The following RPSA2 variants were observed in gnomAD, a reference collection of about 807,000 sequenced individuals.
RPSA2 encodes ribosomal protein SA 2, also known as small ribosomal subunit protein uS2B.
chr19:23,813,750 TCTCA>T, the RPSA2 span, among the ~76,000 whole-genome samples: 1 of 84,452 alleles, frequency 1.2e-5, no homozygotes, highest in African/African-American at 4.4e-5. Flanking sequence ...TGAGACAGAG[TCTCA>T]CTCTGTTGCC....
At chr19:23,870,500 C>T in the RPSA2 span, among the ~76,000 whole-genome samples, 14 of 145,362 alleles carry the variant, frequency 9.6e-5, no homozygotes, top group South Asian at 3.3e-3. Context: ...TCACATCCAA[C>T]ATCACCTTTG....
At chr19:23,835,002 T>A in the RPSA2 span, among the ~76,000 whole-genome samples, 1 of 152,156 alleles carries the variant, frequency 6.6e-6, no homozygotes, top group Non-Finnish European at 1.5e-5. Flanking sequence ...CAAAATATGA[T>A]AATCACATTA....
At chr19:23,803,474 T>C in the RPSA2 span, among the ~76,000 whole-genome samples, 40,244 of 152,106 alleles carry the variant, frequency 0.26, 5,672 homozygotes, top group East Asian at 0.52. Context: ...GCAGATATAG[T>C]TGTTGATTCA....
At chr19:23,761,993 C>A in the RPSA2 span, among the ~76,000 whole-genome samples, 1 of 146,496 alleles carries the variant, frequency 6.8e-6, no homozygotes, top group Non-Finnish European at 1.5e-5. Flanking sequence ...TTTGGGCTCA[C>A]TGCAACCTCT....
chr19:23,809,508 T>A, the RPSA2 span: 1 of 152,118 alleles, frequency 6.6e-6, no homozygotes, highest in Admixed American at 6.6e-5. Flanking sequence ...AAAATATTTT[T>A]AAATTTATTT....
At chr19:23,843,664 G>A in the RPSA2 span, among the ~76,000 whole-genome samples, 2 of 152,190 alleles carry the variant, frequency 1.3e-5, no homozygotes, top group Non-Finnish European at 2.9e-5. Context: ...ATGTGTGAGA[G>A]CAGTGGTGAT....
chr19:23,824,424 G>C, the RPSA2 span, among the ~76,000 whole-genome samples: 2 of 152,090 alleles, frequency 1.3e-5, no homozygotes, highest in African/African-American at 4.8e-5. Flanking sequence ...TAAAGAGACA[G>C]GGAAGCTGGG....
chr19:23,781,340 T>C, the RPSA2 span, among the ~76,000 whole-genome samples: 2 of 151,692 alleles, frequency 1.3e-5, no homozygotes, highest in African/African-American at 4.8e-5. Flanking sequence ...AGGAGAATAA[T>C]TTATTTATTT....
the RPSA2 span, among the ~76,000 whole-genome samples, chr19:23,865,371 C>T: frequency 6.6e-6 from 1 of 152,190 alleles, no homozygotes; most frequent in African/African-American, 2.4e-5. Flanking sequence ...ATTGTTTCCA[C>T]AGGCAGGCCC....
chr19:23,865,184 G>A, the RPSA2 span, among the ~76,000 whole-genome samples: 14 of 152,304 alleles, frequency 9.2e-5, no homozygotes, highest in Middle Eastern at 3.4e-3. Flanking sequence ...TAAGGTCAGT[G>A]CTCTAAAAAA....
chr19:23,778,097 G>A, the RPSA2 span, among the ~76,000 whole-genome samples: 5 of 152,154 alleles, frequency 3.3e-5, no homozygotes, highest in South Asian at 2.1e-4. Context: ...AAGACATTGT[G>A]ACATATTGCA....
At chr19:23,792,014 G>A in the RPSA2 span, among the ~76,000 whole-genome samples, 9 of 152,114 alleles carry the variant, frequency 5.9e-5, no homozygotes, top group South Asian at 2.1e-4. Context: ...GAGCCACTGC[G>A]CCCTGCCGAC....
At chr19:23,857,331 A>G in the RPSA2 span, among the ~76,000 whole-genome samples, 1 of 152,146 alleles carries the variant, frequency 6.6e-6, no homozygotes, top group Non-Finnish European at 1.5e-5. Context: ...AGAAATTATA[A>G]GAGTATTATT....
chr19:23,760,622 T>C, the RPSA2 span, among the ~76,000 whole-genome samples: 1 of 150,526 alleles, frequency 6.6e-6, no homozygotes, highest in East Asian at 2.0e-4. Flanking sequence ...TCTTTCACTT[T>C]TCTTCTGTGC....
the RPSA2 span, among the ~76,000 whole-genome samples, chr19:23,766,673 CT>C: frequency 2.6e-5 from 4 of 151,604 alleles, no homozygotes; most frequent in Admixed American, 1.3e-4. Context: ...CCAGGATGGT[CT>C]TGATCTCCTG....
At chr19:23,761,824 CACAATTACCCTGGAATA>C in the RPSA2 span, among the ~76,000 whole-genome samples, 3 of 151,646 alleles carry the variant, frequency 2.0e-5, no homozygotes, top group African/African-American at 7.3e-5. Flanking sequence ...GTAGTCACGG[CACAATTACCCTGGAATA>C]GCCACTTCAC....
At chr19:23,844,042 A>G in the RPSA2 span, among the ~76,000 whole-genome samples, 1 of 152,148 alleles carries the variant, frequency 6.6e-6, no homozygotes, top group Non-Finnish European at 1.5e-5. Context: ...TACAGGTGTG[A>G]ACCACCGCAC....
chr19:23,789,496 C>G, the RPSA2 span, among the ~76,000 whole-genome samples: 1 of 152,120 alleles, frequency 6.6e-6, no homozygotes, highest in Non-Finnish European at 1.5e-5. Context: ...ATATCTTGCC[C>G]CAGCTTGTAG....
chr19:23,778,889 C>T, the RPSA2 span, among the ~76,000 whole-genome samples: 4 of 151,704 alleles, frequency 2.6e-5, no homozygotes, highest in Non-Finnish European at 5.9e-5. Context: ...CCTGTTTTTC[C>T]TGAGTCCTAC....
Sources: gnomAD v4.1 joint callset for allele counts (sites outside exome capture counted in the v4.1 genomes callset) on GRCh38, gnomAD v4.1.1 for gene constraint, MANE v1.5 for transcripts, NCBI Gene and HGNC (gene_info 2026-07-23, HGNC 2026-07-21) for gene names.